IGSF10: variants seen among roughly 807,000 people sequenced by gnomAD.
The protein encoded by IGSF10 is immunoglobulin superfamily member 10.
Under a neutral mutation model 128.2 loss-of-function variants are expected in IGSF10, and 126 were observed. That is an observed-to-expected ratio of 0.98 (90% confidence interval 0.85 to 1.14). The LOEUF is 1.14. Ranked by LOEUF, IGSF10 falls within the 50% of genes most tolerant of loss-of-function variation. The pLI is 0.00. For missense variants in IGSF10, 3,295 were observed against 3,149.8 expected (o/e 1.05, Z -1.10); for synonymous variants, 1,185 against 1,146.2 (o/e 1.03, Z -0.68).
chr3:151,446,348 AT>A lies in IGSF10; in HGVS notation c.3632del (p.Asn1211IlefsTer9). 1 of 1,613,598 alleles carries A rather than the reference AT, an allele frequency of 6.2e-7. No individual in the cohort carries two copies. Among genetic ancestry groups the A allele is most frequent in the Non-Finnish European group, 8.5e-7 (1 of 1,179,560 alleles). On this transcript the variant is annotated frameshift_variant, in exon 6 of 8. Transcript: ENST00000282466. LOFTEE classifies it high-confidence loss of function. The stretch of plus-strand genomic sequence containing the variant: ...TTAATCTGCCTTTTGGGTTATGGTT[AT>A]TTACAAAGTTCTGTTGCCAGGGAAT... ...RKIPWQQNFV[N>X]NHNPKGRLRN...
chr3:151,439,383 T>A lies in IGSF10; in HGVS notation c.5964-786A>T, dbSNP rs563691957. 4.6e-5 allele frequency among the ~76,000 whole-genome samples: 7 copies of A among 152,334 alleles called. No individual in the cohort carries two copies. In the East Asian group the frequency reaches 1.2e-3, roughly 25 times the overall value. On this transcript the variant is annotated intron_variant, in intron 7 of 7. Transcript: ENST00000282466. Reference sequence around the variant, plus strand: ...ATCCCAGCATTTTGGGAGGCCAATGTGGGCAGATCACTTGAGGGCAGGAGT... The same window carrying A: ...ATCCCAGCATTTTGGGAGGCCAATGAGGGCAGATCACTTGAGGGCAGGAGT...
the IGSF10 span, among the ~76,000 whole-genome samples, chr3:151,526,602 C>G: frequency 6.6e-6 from 1 of 152,156 alleles, no homozygotes; most frequent in South Asian, 2.1e-4. Flanking sequence ...TTTCTCTTAA[C>G]TTTCTTCTGC....
the IGSF10 span, among the ~76,000 whole-genome samples, chr3:151,535,615 TTAAAA>T: frequency 6.6e-5 from 10 of 152,122 alleles, no homozygotes; most frequent in Non-Finnish European, 1.0e-4. Context: ...ATTATTTTAT[TTAAAA>T]TAAGATATAA....
At chr3:151,512,140 C>A in the IGSF10 span, among the ~76,000 whole-genome samples, 301 of 152,304 alleles carry the variant, frequency 2.0e-3, 3 homozygotes, top group African/African-American at 7.1e-3. Context: ...GAACTCTCCA[C>A]CCCAAATCAA....
the IGSF10 span, among the ~76,000 whole-genome samples, chr3:151,561,349 T>A: frequency 1.3e-5 from 2 of 152,178 alleles, no homozygotes; most frequent in South Asian, 4.1e-4. Flanking sequence ...CTTAGTCTAC[T>A]TCCTTAGGCA....
chr3:151,518,877 A>C, the IGSF10 span, among the ~76,000 whole-genome samples: 1 of 151,906 alleles, frequency 6.6e-6, no homozygotes, highest in African/African-American at 2.4e-5. Flanking sequence ...TAAATTTGAT[A>C]GATTTAGTGT....
the IGSF10 span, among the ~76,000 whole-genome samples, chr3:151,547,058 C>A: frequency 2.0e-5 from 3 of 152,074 alleles, no homozygotes; most frequent in Non-Finnish European, 4.4e-5. Context: ...CAGGCGTGAA[C>A]CACCGTGCCC....
chr3:151,568,664 T>C, the IGSF10 span, among the ~76,000 whole-genome samples: 2 of 152,126 alleles, frequency 1.3e-5, no homozygotes, highest in African/African-American at 4.8e-5. Context: ...GAGGATTTAG[T>C]TTTAGTATAG....
the IGSF10 span, among the ~76,000 whole-genome samples, chr3:151,617,498 T>G: frequency 6.6e-6 from 1 of 152,006 alleles, no homozygotes; most frequent in East Asian, 1.9e-4. Flanking sequence ...GATAACTTGT[T>G]TAATTTCAAA....
chr3:151,450,227 T>A (rs1327833566), intron 5 of IGSF10, among the ~76,000 whole-genome samples: 1 of 152,208 alleles, frequency 6.6e-6, no homozygotes, highest in Non-Finnish European at 1.5e-5. Context: ...AAATGGCTGG[T>A]CACTGGAATA....
chr3:151,469,717 A>G, the IGSF10 span, among the ~76,000 whole-genome samples: 2 of 152,166 alleles, frequency 1.3e-5, no homozygotes, highest in African/African-American at 4.8e-5. Context: ...CTTTGCCTAA[A>G]TTACCCCAAT....
At chr3:151,572,013 G>A in the IGSF10 span, among the ~76,000 whole-genome samples, 301 of 152,232 alleles carry the variant, frequency 2.0e-3, 2 homozygotes, top group African/African-American at 6.2e-3. Flanking sequence ...TTTATGTGAC[G>A]GATTACGTTT....
the IGSF10 span, among the ~76,000 whole-genome samples, chr3:151,518,498 T>C: frequency 7.0e-3 from 1,063 of 152,124 alleles, 30 homozygotes; most frequent in East Asian, 0.063. Flanking sequence ...ATGTTTAAAA[T>C]ACCATTTTCT....
At chr3:151,565,109 A>C in the IGSF10 span, among the ~76,000 whole-genome samples, 1 of 151,988 alleles carries the variant, frequency 6.6e-6, no homozygotes, top group Non-Finnish European at 1.5e-5. Flanking sequence ...CTCTCTAAAA[A>C]CTCTGAAAGA....
chr3:151,509,724 A>T, the IGSF10 span, among the ~76,000 whole-genome samples: 8 of 152,322 alleles, frequency 5.3e-5, no homozygotes, highest in African/African-American at 1.7e-4. Context: ...TCCCTTTCCT[A>T]GTCAAAGAAA....
chr3:151,443,613 G>C lies in IGSF10; in HGVS notation c.5334C>G (p.Thr1778=). ...RAEGRPSPTV[T]WILANQTVVS... Reference sequence around the variant, plus strand: ...CAACTGTTTGGTTTGCAAGAATCCAGGTAACTGTAGGGCTTGGCCTACCTT... The same window carrying C: ...CAACTGTTTGGTTTGCAAGAATCCACGTAACTGTAGGGCTTGGCCTACCTT... Residue 1778 remains threonine (T), a synonymous_variant, in exon 7 of 8, where the codon ACC becomes ACG. Coordinates refer to ENST00000282466, the MANE Select transcript of IGSF10 (RefSeq NM_178822.5). 6.2e-7 allele frequency: 1 copy of C among 1,614,208 alleles called. No individual in the cohort carries two copies. Among genetic ancestry groups the C allele is most frequent in the Non-Finnish European group, 8.5e-7 (1 of 1,180,022 alleles).
At chr3:151,550,494 A>G in the IGSF10 span, among the ~76,000 whole-genome samples, 23 of 152,344 alleles carry the variant, frequency 1.5e-4, no homozygotes, top group South Asian at 2.5e-3. Context: ...CAGTGAGGCA[A>G]AGAATCCAAC....
At chr3:151,455,787 T>G (rs535344080) in intron 4 of IGSF10, among the ~76,000 whole-genome samples, 1 of 152,312 alleles carries the variant, frequency 6.6e-6, no homozygotes, top group African/African-American at 2.4e-5. Context: ...GCAATTAAAA[T>G]AATTTTGAAT....
chr3:151,495,594 C>T, the IGSF10 span, among the ~76,000 whole-genome samples: 1 of 151,964 alleles, frequency 6.6e-6, no homozygotes, highest in South Asian at 2.1e-4. Flanking sequence ...TTTATCAGAC[C>T]TTTCATAAAC....
Sources: gnomAD v4.1 joint callset for allele counts (sites outside exome capture counted in the v4.1 genomes callset) on GRCh38, gnomAD v4.1.1 for gene constraint, MANE v1.5 for transcripts, NCBI Gene and HGNC (gene_info 2026-07-23, HGNC 2026-07-21) for gene names.